The following PLXNA4 variants were observed in gnomAD, a reference collection of about 807,000 sequenced individuals.
The protein encoded by PLXNA4 is plexin-A4.
In PLXNA4, 44 loss-of-function variants were observed where a neutral mutation model predicts 191.8. The ratio of observed to expected loss-of-function variants is 0.23; its 90% confidence interval spans 0.18 to 0.29. PLXNA4 has a LOEUF of 0.29. Among genes scored for constraint, PLXNA4 ranks in the 10% least tolerant of loss-of-function variants. The probability of loss-of-function intolerance (pLI) is 1.00; values close to 1 mark genes in which losing one functional copy is unlikely to be tolerated. For synonymous variants in PLXNA4, 1,082 were observed against 1,009.5 expected, an observed-to-expected ratio of 1.07 and a Z score of -1.36; for missense variants, 1,800 against 2,488.8, an observed-to-expected ratio of 0.72 and a Z score of 5.89.
At chr7:132,605,329 T>C (rs566356021) in intron 2 of PLXNA4, among the ~76,000 whole-genome samples, 2 of 152,322 alleles carry the variant, frequency 1.3e-5, no homozygotes, top group East Asian at 3.9e-4. Flanking sequence ...TTTACTGTAC[T>C]GATGAGGCTA....
intron 2 of PLXNA4, among the ~76,000 whole-genome samples, chr7:132,599,730 C>G (rs1802781856): frequency 6.6e-6 from 1 of 151,420 alleles, no homozygotes; most frequent in Non-Finnish European, 1.5e-5. Flanking sequence ...TATTGTCTTT[C>G]AATAGCACTG....
intron 3 of PLXNA4, among the ~76,000 whole-genome samples, chr7:132,483,430 A>C (rs1377393128): frequency 6.6e-6 from 1 of 151,896 alleles, no homozygotes; most frequent in Non-Finnish European, 1.5e-5. Flanking sequence ...ATCCTTTCCC[A>C]TCTTTGTTGT....
intron 4 of PLXNA4, among the ~76,000 whole-genome samples, chr7:132,287,754 C>T (rs1294572234): frequency 2.0e-5 from 3 of 152,174 alleles, no homozygotes; most frequent in Non-Finnish European, 2.9e-5. Flanking sequence ...CCTGCCTACT[C>T]CCTCTGTGAG....
chr7:132,472,580 C>T (rs156935), intron 3 of PLXNA4, among the ~76,000 whole-genome samples: 112,904 of 152,144 alleles, frequency 0.74, 45,248 homozygotes, highest in Non-Finnish European at 0.9. Context: ...CCCAGCCGAC[C>T]GCCTCCCAAG....
In PLXNA4 at chr7:132,227,620, C is replaced by T. The variant is rs142371428; in HGVS notation, c.1729-16G>A. 73 of 1,613,114 alleles carry T rather than the reference C, an allele frequency of 4.5e-5. No individual in the cohort carries two copies. In the African/African-American group the frequency reaches 5.9e-4, roughly 13 times the overall value. On this transcript the variant is annotated splice_polypyrimidine_tract_variant and intron_variant, in intron 6 of 31. Transcript: ENST00000321063. Reference sequence around the variant, plus strand: ...CCAGGACCAGCTGTGAACAGCCAGGCGGGGGGAGAGAAGGAGGAGGGTGAA... The same window carrying T: ...CCAGGACCAGCTGTGAACAGCCAGGTGGGGGGAGAGAAGGAGGAGGGTGAA...
chr7:132,199,099 T>A (rs568307392), intron 12 of PLXNA4, among the ~76,000 whole-genome samples: 5 of 152,276 alleles, frequency 3.3e-5, no homozygotes, highest in Admixed American at 1.3e-4. Flanking sequence ...TCTTCTTCTC[T>A]CTCCATTTAA....
At chr7:132,605,750 A>T (rs781256724) in intron 2 of PLXNA4, among the ~76,000 whole-genome samples, 1 of 152,066 alleles carries the variant, frequency 6.6e-6, no homozygotes, top group African/African-American at 2.4e-5. Flanking sequence ...CAGAGATCAG[A>T]CTGGATCAGG....
chr7:132,475,083 T>G (rs577962731), intron 3 of PLXNA4, among the ~76,000 whole-genome samples: 1 of 152,248 alleles, frequency 6.6e-6, no homozygotes, highest in African/African-American at 2.4e-5. Context: ...TTCCAAGATT[T>G]TAAGCCACAC....
intron 2 of PLXNA4, among the ~76,000 whole-genome samples, chr7:132,493,356 A>G (rs890713618): frequency 6.6e-6 from 1 of 152,130 alleles, no homozygotes; most frequent in African/African-American, 2.4e-5. Context: ...GGTTATGATA[A>G]CCCTTGTTTA....
intron 3 of PLXNA4, among the ~76,000 whole-genome samples, chr7:132,360,163 C>T (rs1803878038): frequency 6.6e-6 from 1 of 152,136 alleles, no homozygotes; most frequent in Admixed American, 6.5e-5. Context: ...TGCTATGTAC[C>T]TTAAAAGCAT....
intron 2 of PLXNA4, among the ~76,000 whole-genome samples, chr7:132,617,515 C>T (rs1178639502): frequency 6.6e-6 from 1 of 152,142 alleles, no homozygotes; most frequent in Non-Finnish European, 1.5e-5. Context: ...TGATTTCAGA[C>T]CAAATACATA....
intron 5 of PLXNA4, among the ~76,000 whole-genome samples, chr7:132,229,840 C>G (rs553825156): frequency 1.3e-5 from 2 of 151,892 alleles, no homozygotes; most frequent in Non-Finnish European, 2.9e-5. Flanking sequence ...ACCTGGACAC[C>G]CTGAGCTGCT....
intron 3 of PLXNA4, among the ~76,000 whole-genome samples, chr7:132,448,186 T>C (rs940897114): frequency 6.6e-6 from 1 of 152,120 alleles, no homozygotes; most frequent in Non-Finnish European, 1.5e-5. Flanking sequence ...TCCAAGTTGG[T>C]TTTTTATGGA....
At chr7:132,407,690 T>C (rs1393173674) in intron 3 of PLXNA4, among the ~76,000 whole-genome samples, 3 of 152,206 alleles carry the variant, frequency 2.0e-5, no homozygotes, top group African/African-American at 7.2e-5. Flanking sequence ...TCCTAGTCAG[T>C]TGGGCTAAAT....
intron 1 of PLXNA4, among the ~76,000 whole-genome samples, chr7:132,536,384 A>T (rs1327240954): frequency 6.6e-6 from 1 of 152,148 alleles, no homozygotes; most frequent in Non-Finnish European, 1.5e-5. Context: ...CAGAGGACAA[A>T]GACTAAATTC....
intron 3 of PLXNA4, among the ~76,000 whole-genome samples, chr7:132,418,047 G>C (rs1261126349): frequency 6.6e-6 from 1 of 152,170 alleles, no homozygotes; most frequent in Non-Finnish European, 1.5e-5. Context: ...TGGGCACTGA[G>C]TCTTAATGAC....
Position 132,344,448 on chromosome 7 carries a change from G to A in PLXNA4, c.1372-46226C>T, listed in dbSNP as rs535154141. On this transcript the variant is annotated intron_variant, in intron 3 of 31. Coordinates refer to ENST00000321063, the MANE Select transcript of PLXNA4 (RefSeq NM_020911.2). Reference sequence around the variant, plus strand: ...CAGTGCAATGGAGGGCTACCTTAGGGTCTTTACCCCTGCAGAGCAGGTGTG... The same window carrying A: ...CAGTGCAATGGAGGGCTACCTTAGGATCTTTACCCCTGCAGAGCAGGTGTG... 2.0e-3 allele frequency among the ~76,000 whole-genome samples: 300 copies of A among 152,264 alleles called. 2 individuals are homozygous for A. Among genetic ancestry groups the A allele is most frequent in the African/African-American group, 6.7e-3 (279 of 41,554 alleles).
At chr7:132,199,140 A>C (rs1392306668) in intron 12 of PLXNA4, among the ~76,000 whole-genome samples, 1 of 152,024 alleles carries the variant, frequency 6.6e-6, no homozygotes, top group Non-Finnish European at 1.5e-5. Context: ...TGCCACTTAC[A>C]TGGCAACAAT....
intron 4 of PLXNA4, among the ~76,000 whole-genome samples, chr7:132,293,870 G>A (rs1195467743): frequency 6.6e-6 from 1 of 152,182 alleles, no homozygotes; most frequent in African/African-American, 2.4e-5. Context: ...TTCAGTTATA[G>A]GAGCAACCAG....
Sources: allele counts gnomAD v4.1 joint callset (sites outside exome capture counted in the v4.1 genomes callset), GRCh38; gene constraint gnomAD v4.1.1; transcripts MANE v1.5; gene names NCBI Gene and HGNC (gene_info 2026-07-23, HGNC 2026-07-21).